Variants in FAM169A observed in about 807,000 individuals in gnomAD.
The protein encoded by FAM169A is soluble lamin-associated protein of 75 kDa.
Under a neutral mutation model 75.7 loss-of-function variants are expected in FAM169A, and 24 were observed. The ratio of observed to expected loss-of-function variants is 0.32; its 90% CI spans 0.23 to 0.45. The LOEUF (loss-of-function observed/expected upper bound fraction) is 0.45. Ranked by LOEUF, FAM169A falls within the 20% of genes least tolerant of loss-of-function variation. The probability of loss-of-function intolerance (pLI) is 1.00; values close to 1 mark genes in which losing one functional copy is unlikely to be tolerated. For missense variants in FAM169A, 673 were observed against 784.0 expected, an observed-to-expected ratio of 0.86 and a Z score of 1.69; for synonymous variants, 271 against 271.0, an observed-to-expected ratio of 1.00 and a Z score of 0.00.
rs755843386 is a variant in FAM169A, at chr5:74,782,920, T to C, written c.1464+11A>G. The C allele has an allele frequency of 2.8e-5, 44 of 1,594,456 alleles. No homozygotes were observed. In the East Asian group the frequency reaches 9.6e-4, roughly 35 times the overall value. On this transcript the variant is annotated intron_variant, in intron 12 of 12. Coordinates refer to ENST00000687041, the MANE Select transcript of FAM169A (RefSeq NM_001376049.1). ...TAAACTTTATTAAAAAATAGCTCAT[T>C]GCCCCCTTACCTTATCTGGTGCATC...
chr5:74,819,993 C>CTTTTTTTTT, intron 5 of FAM169A, among the ~76,000 whole-genome samples: 1 of 119,080 alleles, frequency 8.4e-6, no homozygotes, highest in South Asian at 2.7e-4. Flanking sequence ...GAATTGTATC[C>CTTTTTTTTT]TTTTTTTTTT....
chr5:74,861,113 G>C (rs908469179), intron 1 of FAM169A, among the ~76,000 whole-genome samples: 4 of 152,216 alleles, frequency 2.6e-5, no homozygotes, highest in Non-Finnish European at 5.9e-5. Flanking sequence ...TCCATCCTGG[G>C]TGACAGAGTG....
intron 1 of FAM169A, among the ~76,000 whole-genome samples, chr5:74,850,214 C>T (rs1749369446): frequency 6.6e-6 from 1 of 152,180 alleles, no homozygotes; most frequent in Non-Finnish European, 1.5e-5. Flanking sequence ...TTGTTCAAGG[C>T]CACACTACTA....
chr5:74,847,361 C>T (rs956492792), intron 1 of FAM169A, among the ~76,000 whole-genome samples: 1 of 149,480 alleles, frequency 6.7e-6, no homozygotes, highest in Admixed American at 6.8e-5. Flanking sequence ...ATTCTAGGAA[C>T]ATTTTAAGTG....
intron 4 of FAM169A, among the ~76,000 whole-genome samples, chr5:74,835,786 A>G (rs1218012637): frequency 1.3e-5 from 2 of 152,204 alleles, no homozygotes; most frequent in East Asian, 1.9e-4. Context: ...GCAGCCGACT[A>G]GCAATAGCTT....
At chr5:74,841,737 T>C (rs1394688928) in intron 1 of FAM169A, 58 bp from the exon 2 acceptor site, 37 of 1,422,544 alleles carry the variant, frequency 2.6e-5, no homozygotes, top group Non-Finnish European at 3.5e-5. Context: ...CTTCCTTTAC[T>C]CACAGAAAAT....
At chr5:74,847,082 C>T (rs1749193405) in intron 1 of FAM169A, among the ~76,000 whole-genome samples, 1 of 152,072 alleles carries the variant, frequency 6.6e-6, no homozygotes, top group African/African-American at 2.4e-5. Flanking sequence ...CTTAAAATAA[C>T]AAAAAACCAA....
chr5:74,819,948 G>A (rs1478625407), intron 5 of FAM169A, among the ~76,000 whole-genome samples: 3 of 150,624 alleles, frequency 2.0e-5, no homozygotes, highest in Non-Finnish European at 1.5e-5. Context: ...CTGTGGTAAT[G>A]GTTTCATAAT....
At chr5:74,784,672 ACTTTGGG>A (rs1368209000) in intron 11 of FAM169A, among the ~76,000 whole-genome samples, 3 of 149,200 alleles carry the variant, frequency 2.0e-5, no homozygotes, top group Non-Finnish European at 4.4e-5. Flanking sequence ...TAATCCCAGC[ACTTTGGG>A]AGGCCGAGGC....
chr5:74,831,926 G>A (rs1299073823), intron 5 of FAM169A, among the ~76,000 whole-genome samples: 1 of 152,020 alleles, frequency 6.6e-6, no homozygotes, highest in Non-Finnish European at 1.5e-5. Flanking sequence ...CTCACTCAAT[G>A]TTCTTTTTCA....
rs537422498 is a variant in FAM169A at position 74,859,690 on chromosome 5, A to G, written c.-4+6475T>C. Among the ~76,000 whole-genome samples the G allele has an allele frequency of 7.0e-4, 106 of 152,182 alleles. 1 individual carries two copies. In the South Asian group the frequency reaches 0.01, roughly 15 times the overall value. Reference sequence around the variant, plus strand: ...ATTGATGAGTGATAGATACATCACGATTTTTTTTAAATAAGGAAGCAAATA... The same window carrying G: ...ATTGATGAGTGATAGATACATCACGGTTTTTTTTAAATAAGGAAGCAAATA... On this transcript the variant is annotated intron_variant, in intron 1 of 12. Transcript: ENST00000687041.
intron 5 of FAM169A, among the ~76,000 whole-genome samples, chr5:74,819,655 C>T (rs573801825): frequency 1.3e-5 from 2 of 152,206 alleles, no homozygotes; most frequent in African/African-American, 4.8e-5. Flanking sequence ...AGAAACAACC[C>T]CAAACTGTTA....
chr5:74,796,803 G>C lies in FAM169A; in HGVS notation c.1104-617C>G, dbSNP rs926540674. Among the ~76,000 whole-genome samples, 7 of 152,000 alleles carry C rather than the reference G, an allele frequency of 4.6e-5. 1 individual carries two copies. Among genetic ancestry groups the C allele is most frequent in the African/African-American group, 1.4e-4 (6 of 41,420 alleles). On this transcript the variant is annotated intron_variant, in intron 10 of 12. Coordinates refer to ENST00000687041, the MANE Select transcript of FAM169A (RefSeq NM_001376049.1). ...TCCCAGTTTACCTGGAGCAGTCCCAGTTTACAGACTTTTGTTCATAATTAT... is the reference window on the plus strand; with the variant it reads ...TCCCAGTTTACCTGGAGCAGTCCCACTTTACAGACTTTTGTTCATAATTAT...
intron 1 of FAM169A, among the ~76,000 whole-genome samples, chr5:74,861,663 CAA>C (rs202212142): frequency 4.1e-5 from 6 of 146,898 alleles, no homozygotes; most frequent in African/African-American, 9.9e-5. Context: ...TGCAGTGAGC[CAA>C]AAAAAAAAGT....
chr5:74,854,247 T>C (rs570463037), intron 1 of FAM169A, among the ~76,000 whole-genome samples: 1 of 152,058 alleles, frequency 6.6e-6, no homozygotes, highest in African/African-American at 2.4e-5. Flanking sequence ...TACAAAAAAT[T>C]AGCCAGGTAT....
intron 2 of FAM169A, among the ~76,000 whole-genome samples, chr5:74,840,883 C>T (rs1748829962): frequency 6.6e-6 from 1 of 150,764 alleles, no homozygotes; most frequent in African/African-American, 2.4e-5. Context: ...TGGGAAGATA[C>T]ATGCTACTAA....
rs1750339508 is a variant in FAM169A, at chr5:74,866,284, C to T, written c.-123G>A. On this transcript the variant is annotated 5_prime_UTR_variant, in exon 1 of 13. Transcript: ENST00000687041. ...GGCCGGTCCCAGGCCGCACAGCTCG[C>T]GGCTGCCAGGGCGAGTGCGGCTGCC... 2.0e-6 allele frequency: 2 copies of T among 983,924 alleles called. No individual in the cohort carries two copies. The highest frequency in any genetic ancestry group is 4.7e-5 in the South Asian group (1 of 21,294). 60.9% of individuals were successfully genotyped at this position (983,924 alleles called of 1,614,324 possible).
At chr5:74,818,314 A>G (rs1046859157) in intron 5 of FAM169A, among the ~76,000 whole-genome samples, 2 of 152,180 alleles carry the variant, frequency 1.3e-5, no homozygotes, top group African/African-American at 4.8e-5. Context: ...AAAAGAAAAA[A>G]AAGACAACCC....
At chr5:74,797,184 T>C (rs114695332) in intron 10 of FAM169A, among the ~76,000 whole-genome samples, 2,816 of 152,220 alleles carry the variant, frequency 0.018, 106 homozygotes, top group African/African-American at 0.064. Context: ...TTTGTGTTTG[T>C]TTTTGTTTTT....
Sources: gnomAD v4.1 joint callset for allele counts (sites outside exome capture counted in the v4.1 genomes callset) on GRCh38, gnomAD v4.1.1 for gene constraint, MANE v1.5 for transcripts, NCBI Gene and HGNC (gene_info 2026-07-23, HGNC 2026-07-21) for gene names.